The following KCNMB4 variants were observed in gnomAD, a reference collection of about 807,000 sequenced individuals.
KCNMB4 encodes the protein potassium calcium-activated channel subfamily M regulatory beta subunit 4.
In KCNMB4, 3 loss-of-function variants were observed where a neutral mutation model predicts 20.7. That is an observed-to-expected ratio of 0.14 (90% CI 0.07 to 0.37). The LOEUF (loss-of-function observed/expected upper bound fraction) is 0.37, where lower values mean the gene tolerates loss of function less well. KCNMB4 is among the 10% of genes least tolerant of loss of function. The pLI, the probability that KCNMB4 is intolerant of heterozygous loss-of-function variation, is 1.00. For missense variants in KCNMB4, 168 were observed against 265.9 expected (o/e 0.63, Z 2.56); for synonymous variants, 110 against 113.4 (o/e 0.97, Z 0.19).
chr12:70,394,996 T>C (rs1212109461), intron 1 of KCNMB4, among the ~76,000 whole-genome samples: 5 of 152,156 alleles, frequency 3.3e-5, no homozygotes, highest in Admixed American at 6.5e-5. Flanking sequence ...GGCTCAGTTA[T>C]ACTTTTTATT....
chr12:70,419,934 G>T (rs1298407532), intron 2 of KCNMB4, among the ~76,000 whole-genome samples: 1 of 152,014 alleles, frequency 6.6e-6, no homozygotes, highest in East Asian at 1.9e-4. Flanking sequence ...GAAGGAAAGA[G>T]AAGTATTTCA....
At chr12:70,380,121 T>C (rs528552406) in intron 1 of KCNMB4, among the ~76,000 whole-genome samples, 3 of 152,332 alleles carry the variant, frequency 2.0e-5, no homozygotes, top group African/African-American at 7.2e-5. Flanking sequence ...AGACAATGAC[T>C]CTTCCTTTCA....
intron 2 of KCNMB4, among the ~76,000 whole-genome samples, chr12:70,410,481 A>C (rs1051570579): frequency 6.6e-6 from 1 of 152,210 alleles, no homozygotes; most frequent in Non-Finnish European, 1.5e-5. Flanking sequence ...ATGTGACATC[A>C]AGCATCGGGA....
In KCNMB4 at chr12:70,430,417, T is replaced by C. The variant is rs1020546786; in HGVS notation, c.465-68T>C. 3.9e-6 allele frequency: 6 copies of C among 1,547,206 alleles called. No individual in the cohort carries two copies. In the African/African-American group the frequency reaches 6.9e-5, roughly 18 times the overall value. ...TATGGAAAGCAAGTTTGGCTTTAGG[T>C]TGTAAAGAGTTTTTCAGTGCCAAGG... On this transcript the variant is annotated intron_variant, in intron 2 of 2. Transcript: ENST00000258111.
At chr12:70,397,930 C>T (rs1868370045) in intron 1 of KCNMB4, among the ~76,000 whole-genome samples, 1 of 152,160 alleles carries the variant, frequency 6.6e-6, no homozygotes, top group African/African-American at 2.4e-5. Context: ...GAAATTTCTC[C>T]TTCGTAGAAG....
chr12:70,429,392 T>C (rs751844614), intron 2 of KCNMB4, among the ~76,000 whole-genome samples: 6 of 151,822 alleles, frequency 4.0e-5, no homozygotes, highest in Non-Finnish European at 4.4e-5. Flanking sequence ...TCCGGCCGGG[T>C]GCGGTGACTC....
chr12:70,400,406 G>C, intron 2 of KCNMB4, 70 bp downstream of exon 2: 2 of 1,467,502 alleles, frequency 1.4e-6, no homozygotes, highest in Non-Finnish European at 1.8e-6. Context: ...CTGTTATATC[G>C]TAGATTATGC....
At chr12:70,373,518 G>A (rs577560711) in intron 1 of KCNMB4, among the ~76,000 whole-genome samples, 171 of 152,296 alleles carry the variant, frequency 1.1e-3, no homozygotes, top group Admixed American at 2.1e-3. Flanking sequence ...AGAAGAGAAC[G>A]CAGCCTGGCA....
chr12:70,370,616 T>C (rs1358719983), intron 1 of KCNMB4, among the ~76,000 whole-genome samples: 1 of 152,078 alleles, frequency 6.6e-6, no homozygotes, highest in African/African-American at 2.4e-5. Context: ...CCAGTGCTAC[T>C]GAATTTAGGG....
At chr12:70,407,530 T>C (rs187520842) in intron 2 of KCNMB4, among the ~76,000 whole-genome samples, 16,713 of 138,498 alleles carry the variant, frequency 0.12, 1,234 homozygotes, top group Middle Eastern at 0.24. Context: ...TGCAGTGGCT[T>C]GATCTCTGCT....
intron 2 of KCNMB4, among the ~76,000 whole-genome samples, chr12:70,427,373 CTGAA>C (rs1029311350): frequency 1.3e-5 from 2 of 152,164 alleles, no homozygotes; most frequent in Non-Finnish European, 2.9e-5. Context: ...AATCAAAAAA[CTGAA>C]TGATAAGCGT....
At chr12:70,380,974 G>A (rs1158862029) in intron 1 of KCNMB4, among the ~76,000 whole-genome samples, 1 of 152,124 alleles carries the variant, frequency 6.6e-6, no homozygotes, top group Non-Finnish European at 1.5e-5. Flanking sequence ...AAGTGTAACA[G>A]AAAGAAAATA....
intron 2 of KCNMB4, among the ~76,000 whole-genome samples, chr12:70,407,622 C>A: frequency 6.6e-6 from 1 of 151,652 alleles, no homozygotes. Flanking sequence ...CGCCCGCCAC[C>A]ACACCCGGCT....
In KCNMB4 at chr12:70,418,335, G is replaced by A. The variant is rs79929871; in HGVS notation, c.465-12150G>A. ...CTTTTCTGTGTCCTCTTTGCCTGGA[G>A]CGAGGGCTGAGAACATGATTCAGCT... On this transcript the variant is annotated intron_variant, in intron 2 of 2. Coordinates refer to ENST00000258111, the MANE Select transcript of KCNMB4 (RefSeq NM_014505.6). Among the ~76,000 whole-genome samples, 832 of 152,266 alleles carry A rather than the reference G, an allele frequency of 5.5e-3. 5 individuals carry two copies. The highest frequency in any genetic ancestry group is 0.011 in the Admixed American group (161 of 15,284).
chr12:70,371,255 C>T (rs1883588882), intron 1 of KCNMB4, among the ~76,000 whole-genome samples: 1 of 152,138 alleles, frequency 6.6e-6, no homozygotes, highest in Non-Finnish European at 1.5e-5. Context: ...AACCAGTACT[C>T]TAGAAGTGAG....
intron 2 of KCNMB4, among the ~76,000 whole-genome samples, chr12:70,419,248 C>T (rs943535801): frequency 2.0e-5 from 3 of 152,152 alleles, no homozygotes; most frequent in South Asian, 2.1e-4. Flanking sequence ...CACTAGGCAT[C>T]GCTGAGATAG....
At chr12:70,379,258 C>A (rs1292285309) in intron 1 of KCNMB4, among the ~76,000 whole-genome samples, 1 of 152,124 alleles carries the variant, frequency 6.6e-6, no homozygotes, top group East Asian at 1.9e-4. Flanking sequence ...AACTTTGAAG[C>A]CTGGACTTTA....
At chr12:70,415,778 C>T (rs773261228) in intron 2 of KCNMB4, among the ~76,000 whole-genome samples, 2 of 151,464 alleles carry the variant, frequency 1.3e-5, no homozygotes, top group Admixed American at 6.7e-5. Flanking sequence ...AAATGGATTT[C>T]AACAGTAAGC....
At chr12:70,428,551 GATTTCAGACTCTTAAAT>G (rs1869274277) in intron 2 of KCNMB4, among the ~76,000 whole-genome samples, 1 of 152,162 alleles carries the variant, frequency 6.6e-6, no homozygotes, top group African/African-American at 2.4e-5. Flanking sequence ...CTGGGATGGG[GATTTCAGACTCTTAAAT>G]ATGATTCTTT....
Sources: allele counts gnomAD v4.1 joint callset (sites outside exome capture counted in the v4.1 genomes callset), GRCh38; gene constraint gnomAD v4.1.1; transcripts MANE v1.5; gene names NCBI Gene and HGNC (gene_info 2026-07-23, HGNC 2026-07-21).